Variants in GAS7 observed in about 807,000 individuals in gnomAD.
GAS7 encodes the protein growth arrest-specific protein 7.
A neutral mutation model predicts 71.1 loss-of-function variants in GAS7; 28 were observed. That is an observed-to-expected ratio of 0.39 (90% CI 0.29 to 0.54). GAS7 has a LOEUF of 0.54. Ranked by LOEUF, GAS7 falls within the 20% of genes least tolerant of loss-of-function variation. GAS7 has a pLI of 0.62. For synonymous variants in GAS7, 258 were observed against 245.8 expected, an observed-to-expected ratio of 1.05 and a Z score of -0.46; for missense variants, 436 against 627.8, an observed-to-expected ratio of 0.69 and a Z score of 3.27.
At chr17:9,925,792 G>T (rs932782505) in intron 10 of GAS7, among the ~76,000 whole-genome samples, 193 bp from the exon 11 acceptor site, 1 of 152,060 alleles carries the variant, frequency 6.6e-6, no homozygotes, top group Non-Finnish European at 1.5e-5. Context: ...AACTCTTTTC[G>T]TCCTTGCCTC....
intron 1 of GAS7, among the ~76,000 whole-genome samples, chr17:10,074,743 TC>T (rs1217531972): frequency 6.6e-6 from 1 of 152,146 alleles, no homozygotes; most frequent in Non-Finnish European, 1.5e-5. Context: ...TCCAATCTCT[TC>T]CATAAATAGA....
At chr17:10,010,665 G>A (rs1422320111) in intron 2 of GAS7, among the ~76,000 whole-genome samples, 1 of 152,090 alleles carries the variant, frequency 6.6e-6, no homozygotes, top group Non-Finnish European at 1.5e-5. Context: ...CTATAGCTTC[G>A]CCTCACCTAC....
chr17:9,930,983 C>T (rs1318121703), intron 9 of GAS7, among the ~76,000 whole-genome samples: 2 of 152,208 alleles, frequency 1.3e-5, no homozygotes, highest in Admixed American at 6.5e-5. Context: ...TGAACACTAA[C>T]TTAAAATGTT....
intron 1 of GAS7, among the ~76,000 whole-genome samples, chr17:10,042,261 C>T (rs2072882057): frequency 6.8e-6 from 1 of 147,636 alleles, no homozygotes; most frequent in African/African-American, 2.5e-5. Flanking sequence ...TGCCACCGCA[C>T]TCCGGCCTGG....
intron 1 of GAS7, among the ~76,000 whole-genome samples, chr17:10,098,955 CAAAAAAAGAAAAT>C (rs1274405804): frequency 6.6e-6 from 1 of 151,550 alleles, no homozygotes. Context: ...GACTCCATCT[CAAAAAAAGAAAAT>C]AAAAAAAGAA....
At chr17:9,923,517 A>G (rs900826444) in intron 11 of GAS7, among the ~76,000 whole-genome samples, 1 of 152,250 alleles carries the variant, frequency 6.6e-6, no homozygotes. Context: ...TGAGTTAATC[A>G]GTTCACAGAA....
In GAS7 at chr17:10,143,017, A is replaced by C. The variant is rs1458969082; in HGVS notation, c.183+55191T>G. The stretch of plus-strand genomic sequence containing the variant: ...GAAACCCCATCTCTACTAAAAATAC[A>C]AAAAAAAAAAAAAAATTAGCCAGGC... On this transcript the variant is annotated intron_variant, in intron 1 of 13. Transcript: ENST00000432992. 8.3e-3 allele frequency among the ~76,000 whole-genome samples: 24 copies of C among 2,890 alleles called. 1 individual carries two copies. The highest frequency in any genetic ancestry group is 0.03 in the East Asian group (5 of 168). 1.9% of individuals were successfully genotyped at this position (2,890 alleles called of 152,430 possible).
intron 1 of GAS7, among the ~76,000 whole-genome samples, chr17:10,076,439 G>C (rs1043637141): frequency 7.1e-6 from 1 of 141,030 alleles, no homozygotes; most frequent in African/African-American, 2.7e-5. Flanking sequence ...GGAAGGAGGG[G>C]GAGTCGGGGG....
intron 8 of GAS7, 44 bp from the exon 9 acceptor site, chr17:9,934,288 C>T (rs778939370): frequency 4.4e-6 from 6 of 1,353,124 alleles, no homozygotes. Context: ...AGCCAAAGCC[C>T]TTCCTGAGGC....
At chr17:9,932,918 A>G (rs1484833047) in intron 9 of GAS7, among the ~76,000 whole-genome samples, 1 of 152,140 alleles carries the variant, frequency 6.6e-6, no homozygotes, top group African/African-American at 2.4e-5. Context: ...CACGCCTATA[A>G]TCCTAGCACT....
chr17:10,004,935 G>A (rs1336648122), intron 2 of GAS7, among the ~76,000 whole-genome samples: 3 of 152,072 alleles, frequency 2.0e-5, no homozygotes, highest in South Asian at 2.1e-4. Context: ...GCTTGAACCC[G>A]GGAGGCAGAG....
chr17:10,158,668 T>C (rs901067487), intron 1 of GAS7, among the ~76,000 whole-genome samples: 3 of 152,052 alleles, frequency 2.0e-5, no homozygotes, highest in African/African-American at 7.2e-5. Context: ...AAAATGTTAA[T>C]GGCGGAATCT....
chr17:10,198,241 G>C lies in GAS7; in HGVS notation c.150C>G (p.Gly50=). 1 of 1,607,920 alleles carries C rather than the reference G, an allele frequency of 6.2e-7. No individual in the cohort carries two copies. The highest frequency in any genetic ancestry group is 8.5e-7 in the Non-Finnish European group (1 of 1,179,480). Residue 50 remains glycine, a synonymous_variant, in exon 1 of 14, where the codon GGC becomes GGG. Coordinates refer to ENST00000432992, the MANE Select transcript of GAS7 (RefSeq NM_201433.2). ...ACTGCACGTAGCTCGCCGGGAACCA[G>C]CCACGGAGCCCGTCCTCCTTCTCGC... is the stretch of plus-strand genomic sequence containing the variant. The part of the protein sequence containing the change: ...WEGEKEDGLR[G]WFPASYVQLL...
chr17:9,971,819 T>C lies in GAS7; in HGVS notation c.386-2057A>G, dbSNP rs139072779. On this transcript the variant is annotated intron_variant, in intron 3 of 13. Transcript: ENST00000432992. ...TAGCGTGGCAGGAAGCACAGGAGAA[T>C]ATGGCTGAAAGTTACCACCAACACC... 1.8e-3 allele frequency among the ~76,000 whole-genome samples: 269 copies of C among 152,282 alleles called. 1 individual carries two copies. The highest frequency in any genetic ancestry group is 5.9e-3 in the African/African-American group (247 of 41,554).
chr17:9,937,882 C>T (rs781169536), intron 8 of GAS7, among the ~76,000 whole-genome samples: 1 of 152,198 alleles, frequency 6.6e-6, no homozygotes, highest in Non-Finnish European at 1.5e-5. Context: ...CTTTTCAACT[C>T]TAACCTCCTG....
intron 1 of GAS7, among the ~76,000 whole-genome samples, chr17:10,193,278 A>AAC (rs2074516287): frequency 1.4e-5 from 2 of 147,136 alleles, no homozygotes; most frequent in African/African-American, 2.5e-5. Flanking sequence ...AAAAAAAAAA[A>AAC]CCCTCCAAGG....
chr17:9,963,245 T>C (rs2069575054), intron 4 of GAS7, among the ~76,000 whole-genome samples: 1 of 152,132 alleles, frequency 6.6e-6, no homozygotes, highest in Non-Finnish European at 1.5e-5. Context: ...GATAGTATGA[T>C]ACCATTTATA....
At chr17:10,196,736 G>A (rs895552335) in intron 1 of GAS7, among the ~76,000 whole-genome samples, 2 of 152,168 alleles carry the variant, frequency 1.3e-5, no homozygotes, top group East Asian at 3.9e-4. Flanking sequence ...CTGGAAAAGG[G>A]TGACCACCCG....
At chr17:10,058,445 C>G (rs1395958856) in intron 1 of GAS7, among the ~76,000 whole-genome samples, 1 of 149,852 alleles carries the variant, frequency 6.7e-6, no homozygotes, top group East Asian at 1.9e-4. Flanking sequence ...GAGCGAGACT[C>G]CGTCTCAAAA....
Sources: allele counts gnomAD v4.1 joint callset (sites outside exome capture counted in the v4.1 genomes callset), GRCh38; gene constraint gnomAD v4.1.1; transcripts MANE v1.5; gene names NCBI Gene and HGNC (gene_info 2026-07-23, HGNC 2026-07-21).